BTBD18: variants seen among roughly 807,000 people sequenced by gnomAD.
BTBD18 encodes BTB domain containing 18, also known as BTB/POZ domain-containing protein 18.
For synonymous variants in BTBD18, 311 were observed against 324.4 expected, an observed-to-expected ratio of 0.96 and a Z score of 0.44; for missense variants, 787 against 846.3, an observed-to-expected ratio of 0.93 and a Z score of 0.87.
At chr11:57,746,400 G>T (rs1949191745) in intron 2 of BTBD18, among the ~76,000 whole-genome samples, 1 of 149,406 alleles carries the variant, frequency 6.7e-6, no homozygotes, top group South Asian at 2.1e-4. Flanking sequence ...TGCAATCTCA[G>T]CTCACTGCAA....
In BTBD18 at chr11:57,747,292, A is replaced by G. The variant is rs187864056; in HGVS notation, c.125-1144T>C. Among the ~76,000 whole-genome samples the G allele has an allele frequency of 3.6e-3, 545 of 152,330 alleles. 3 individuals are homozygous for G. Among genetic ancestry groups the G allele is most frequent in the African/African-American group, 0.012 (517 of 41,566 alleles). On this transcript the variant is annotated intron_variant, in intron 2 of 2. Coordinates refer to ENST00000422652, the MANE Select transcript of BTBD18 (RefSeq NM_001145101.3). ...AGATCTCTTTCCTGAGGGAGTAAACATACCACAGCTGGCATGTCTACATAT... is the reference window on the plus strand; with the variant it reads ...AGATCTCTTTCCTGAGGGAGTAAACGTACCACAGCTGGCATGTCTACATAT...
At chr11:57,748,826 G>A (rs546885) in intron 2 of BTBD18, among the ~76,000 whole-genome samples, 150,791 of 152,340 alleles carry the variant, frequency 0.99, 74,664 homozygotes, top group East Asian at 1. Flanking sequence ...AACCTCCTGC[G>A]TAAAACTGTT....
chr11:57,751,257 T>G, intron 1 of BTBD18, 21 bp from the exon 2 acceptor site: 1 of 1,252,436 alleles, frequency 8.0e-7, no homozygotes, highest in Non-Finnish European at 1.0e-6. Context: ...GATAATACAT[T>G]TCAGAGGCAT....
upstream of BTBD18, among the ~76,000 whole-genome samples, chr11:57,752,406 C>T (rs952051429): frequency 6.6e-6 from 1 of 151,968 alleles, no homozygotes; most frequent in Admixed American, 6.6e-5. Flanking sequence ...TGGTGGCAGG[C>T]GCCTGTAATC....
At position 57,744,617 on chromosome 11, in the gene BTBD18, C is replaced by T. The variant is rs1486450336; in HGVS notation, c.1656G>A (p.Arg552=). 22 of 1,551,526 alleles carry T rather than the reference C, an allele frequency of 1.4e-5. No homozygotes were observed. The highest frequency in any genetic ancestry group is 1.8e-5 in the Non-Finnish European group (21 of 1,146,996). ...WCLPDMELWP[R]ELTELEKEPA... is the part of the protein sequence containing the mutation. ...GTTCCTTTTCCAATTCTGTGAGCTC[C>T]CTGGGCCAGAGTTCCATGTCTGGTA... Residue 552 remains arginine (R), a synonymous_variant, in exon 3 of 3, where the codon AGG becomes AGA. Transcript: ENST00000422652.
Position 57,751,255 on chromosome 11 carries a change from ATTTCAGAGGCATGG to A in BTBD18, c.-48-33_-48-20del. The A allele has an allele frequency of 7.9e-7, 1 of 1,265,828 alleles. No homozygotes were observed. Among genetic ancestry groups the A allele is most frequent in the Non-Finnish European group, 1.0e-6 (1 of 963,686 alleles). The allele number at this position is 1,265,828 out of a possible 1,614,324, so 78.4% of individuals were successfully genotyped here. On this transcript the variant is annotated intron_variant, in intron 1 of 2. Transcript: ENST00000422652. ...CAGACTCCTGTAGGTGAGATAATACATTTCAGAGGCATGGTTACATCTAATTTGTTTTTTGTCTT... is the reference window on the plus strand; with the variant it reads ...CAGACTCCTGTAGGTGAGATAATACATTACATCTAATTTGTTTTTTGTCTT...
Position 57,745,283 on chromosome 11 carries a change from T to C in BTBD18, c.990A>G (p.Gly330=). ...TCCGCTTCCTGCTCCCACCTGTCTT[T>C]CCCAGACCAGATGGGTTTGGGGTGC... ...LQSTPNPSGL[G]KTGGSRKRSP... Residue 330 remains glycine, a synonymous_variant, in exon 3 of 3, where the codon GGA becomes GGG. Transcript: ENST00000422652. 1 of 1,551,678 alleles carries C rather than the reference T, an allele frequency of 6.4e-7. No homozygotes were observed. Among genetic ancestry groups the C allele is most frequent in the Non-Finnish European group, 8.7e-7 (1 of 1,146,980 alleles).
In BTBD18 at chr11:57,744,753, A is replaced by G. The variant is rs561617168; in HGVS notation, c.1520T>C (p.Ile507Thr). 1.2e-5 allele frequency: 18 copies of G among 1,551,662 alleles called. No individual in the cohort carries two copies. The highest frequency in any genetic ancestry group is 9.6e-5 in the African/African-American group (7 of 73,152). Residue 507 changes from isoleucine to threonine, a missense_variant, in exon 3 of 3, where the codon ATT becomes ACT. Ile to Thr is a moderately conservative substitution (Grantham distance 89, BLOSUM62 -1). Coordinates refer to ENST00000422652, the MANE Select transcript of BTBD18 (RefSeq NM_001145101.3). ...ILDFMLCGSD[I>T]EPPIGSLESP... is the part of the protein sequence containing the mutation. The stretch of plus-strand genomic sequence containing the variant: ...CTCCAGAGACCCTATAGGTGGTTCA[A>G]TGTCTGAGCCACAGAGCATGAAGTC...
At position 57,744,712 on chromosome 11, in the gene BTBD18, C is replaced by T; in HGVS notation, c.1561G>A (p.Gly521Ser). 1 of 1,551,712 alleles carries T rather than the reference C, an allele frequency of 6.4e-7. No homozygotes were observed. Among genetic ancestry groups the T allele is most frequent in the Admixed American group, 2.0e-5 (1 of 51,002 alleles). ...IGSLESPGAEGCRTPTYHLTE... is the reference protein window; with the variant it reads ...IGSLESPGAESCRTPTYHLTE... ...AGATGGTAGGTAGGCGTTCTGCAGCCCTCAGCCCCTGGACTCTCCAGAGAC... is the reference window on the plus strand; with the variant it reads ...AGATGGTAGGTAGGCGTTCTGCAGCTCTCAGCCCCTGGACTCTCCAGAGAC... Residue 521 changes from glycine (G) to serine (S), a missense_variant, in exon 3 of 3, where the codon GGC becomes AGC. Coordinates refer to ENST00000422652, the MANE Select transcript of BTBD18 (RefSeq NM_001145101.3).
At chr11:57,747,061 A>C (rs1949210366) in intron 2 of BTBD18, among the ~76,000 whole-genome samples, 1 of 152,234 alleles carries the variant, frequency 6.6e-6, no homozygotes, top group Non-Finnish European at 1.5e-5. Flanking sequence ...CAAGAGTTCA[A>C]AAACTTTTAT....
chr11:57,752,290 T>C (rs1949326723), upstream of BTBD18, among the ~76,000 whole-genome samples: 1 of 152,090 alleles, frequency 6.6e-6, no homozygotes, highest in South Asian at 2.1e-4. Context: ...ATCCCAGCAC[T>C]TTGGGAGGCC....
At chr11:57,752,707 G>A (rs1238289305), upstream of BTBD18, among the ~76,000 whole-genome samples, 1 of 152,186 alleles carries the variant, frequency 6.6e-6, no homozygotes, top group African/African-American at 2.4e-5. Context: ...CCTCTGTCCA[G>A]CCTGCCTTGC....
intron 2 of BTBD18, among the ~76,000 whole-genome samples, chr11:57,746,637 C>G (rs749370560): frequency 8.5e-5 from 13 of 152,096 alleles, no homozygotes; most frequent in Middle Eastern, 3.4e-3. Flanking sequence ...TACCTTGTTT[C>G]TTTATTCTCA....
At chr11:57,752,316 C>T (rs991909619), upstream of BTBD18, among the ~76,000 whole-genome samples, 4 of 152,136 alleles carry the variant, frequency 2.6e-5, no homozygotes, top group African/African-American at 7.2e-5. Flanking sequence ...GGGTGGATCA[C>T]CTGAGGTTAG....
chr11:57,749,341 A>C (rs943289609), intron 2 of BTBD18, among the ~76,000 whole-genome samples: 1 of 152,098 alleles, frequency 6.6e-6, no homozygotes, highest in East Asian at 1.9e-4. Context: ...GTCAATCTCA[A>C]CTCTGCACTT....
Position 57,745,500 on chromosome 11 carries a change from A to C in BTBD18, c.773T>G (p.Leu258Arg). Residue 258 changes from leucine (L) to arginine (R), a missense_variant, in exon 3 of 3, where the codon CTG becomes CGG. Coordinates refer to ENST00000422652, the MANE Select transcript of BTBD18 (RefSeq NM_001145101.3). ...ACTGAGCCTGATCTTTCTGGGCAAC[A>C]GGTGTTTGTCCACAGAGGGGTACAA... is the stretch of plus-strand genomic sequence containing the variant. ...PSLYPSVDKH[L>R]LPRKIRLSRS... 1 of 1,549,716 alleles carries C rather than the reference A, an allele frequency of 6.5e-7. No individual in the cohort carries two copies. Among genetic ancestry groups the C allele is most frequent in the African/African-American group, 1.4e-5 (1 of 73,176 alleles).
At position 57,745,911 on chromosome 11, in the gene BTBD18, T is replaced by A; in HGVS notation, c.362A>T (p.Glu121Val). ...CTTTCCACCCTCAAGCTGAAGGGATTCCAGCTCAGACACACGGAGCTGACG... is the reference window on the plus strand; with the variant it reads ...CTTTCCACCCTCAAGCTGAAGGGATACCAGCTCAGACACACGGAGCTGACG... ...AARQLRVSEL[E>V]SLQLEGGKLV... Residue 121 changes from glutamate (E) to valine (V), a missense_variant, in exon 3 of 3, where the codon GAA (glutamate) becomes GTA (valine). Glu to Val is a moderately radical substitution (Grantham distance 121, BLOSUM62 -2). Coordinates refer to ENST00000422652, the MANE Select transcript of BTBD18 (RefSeq NM_001145101.3). The A allele has an allele frequency of 6.4e-7, 1 of 1,551,664 alleles. No homozygotes were observed. Among genetic ancestry groups the A allele is most frequent in the Non-Finnish European group, 8.7e-7 (1 of 1,146,982 alleles).
chr11:57,752,764 G>A (rs896597020), upstream of BTBD18, among the ~76,000 whole-genome samples: 2 of 152,220 alleles, frequency 1.3e-5, no homozygotes, highest in Non-Finnish European at 2.9e-5. Flanking sequence ...GCAAAGATGC[G>A]CAGGTGGGCC....
Position 57,745,097 on chromosome 11 carries a change from G to C in BTBD18, c.1176C>G (p.Asp392Glu). 6.4e-7 allele frequency: 1 copy of C among 1,551,684 alleles called. No individual in the cohort carries two copies. Residue 392 changes from aspartate to glutamate, a missense_variant, in exon 3 of 3, where the codon GAC (aspartate) becomes GAG (glutamate). By Grantham distance (45) the Asp-to-Glu change is conservative. Transcript: ENST00000422652. ...GCTGAGTTCCTGAAGGCTCTTGGAA[G>C]TCTCCTCCGGGATCTGGGATCTGGG... ...DSPQIPDPGG[D>E]FQEPSGTQPF... is the part of the protein sequence containing the mutation.
Sources: gnomAD v4.1 joint callset for allele counts (sites outside exome capture counted in the v4.1 genomes callset) on GRCh38, gnomAD v4.1.1 for gene constraint, MANE v1.5 for transcripts, NCBI Gene and HGNC (gene_info 2026-07-23, HGNC 2026-07-21) for gene names.